Variants in LMX1B observed in about 807,000 individuals in gnomAD.
LMX1B encodes the protein LIM homeobox transcription factor 1 beta.
In LMX1B, 12 loss-of-function variants were observed where a neutral mutation model predicts 51.4. The ratio of observed to expected loss-of-function variants is 0.23; its 90% confidence interval spans 0.15 to 0.38. The LOEUF is 0.38. LMX1B is among the 10% of genes least tolerant of loss of function. The probability of loss-of-function intolerance (pLI) is 1.00; values close to 1 mark genes in which losing one functional copy is unlikely to be tolerated. For synonymous variants in LMX1B, 237 were observed against 235.4 expected, an observed-to-expected ratio of 1.01 and a Z score of -0.06; for missense variants, 445 against 571.1, an observed-to-expected ratio of 0.78 and a Z score of 2.25.
chr9:126,660,139 G>GGGT (rs1836211026), intron 2 of LMX1B, among the ~76,000 whole-genome samples: 2 of 144,326 alleles, frequency 1.4e-5, no homozygotes, highest in Non-Finnish European at 3.0e-5. Context: ...CCTGTGTGGG[G>GGGT]ATGTCTACAC....
At chr9:126,639,807 T>C (rs1267470367) in intron 2 of LMX1B, among the ~76,000 whole-genome samples, 4 of 152,224 alleles carry the variant, frequency 2.6e-5, no homozygotes. Context: ...GGTTGGCCTG[T>C]CGATTTTTAT....
intron 2 of LMX1B, among the ~76,000 whole-genome samples, chr9:126,687,626 G>T (rs75144184): frequency 0.015 from 2,300 of 152,276 alleles, 72 homozygotes; most frequent in African/African-American, 0.053. Flanking sequence ...GGTTGTGCCC[G>T]CCACACCTGC....
intron 2 of LMX1B, among the ~76,000 whole-genome samples, chr9:126,683,223 G>C (rs1354284577): frequency 6.6e-6 from 1 of 151,032 alleles, no homozygotes; most frequent in Non-Finnish European, 1.5e-5. Flanking sequence ...GAGGCCCGCA[G>C]AGCGCGCCCG....
At chr9:126,687,131 G>C (rs2029925710) in intron 2 of LMX1B, among the ~76,000 whole-genome samples, 1 of 152,134 alleles carries the variant, frequency 6.6e-6, no homozygotes, top group African/African-American at 2.4e-5. Flanking sequence ...GGTACCTGGA[G>C]TACCTTCTTC....
At chr9:126,614,809 C>T (rs367777645) in intron 1 of LMX1B, among the ~76,000 whole-genome samples, 1 of 152,162 alleles carries the variant, frequency 6.6e-6, no homozygotes, top group East Asian at 1.9e-4. Context: ...ACCCACCATC[C>T]TTTCCAGGCT....
chr9:126,645,027 T>C (rs1387563428), intron 2 of LMX1B, among the ~76,000 whole-genome samples: 1 of 152,170 alleles, frequency 6.6e-6, no homozygotes, highest in Non-Finnish European at 1.5e-5. Flanking sequence ...TCGGCTCCCC[T>C]GTCCCACCTG....
At chr9:126,670,459 C>T (rs554747584) in intron 2 of LMX1B, among the ~76,000 whole-genome samples, 109 of 152,244 alleles carry the variant, frequency 7.2e-4, no homozygotes, top group African/African-American at 2.4e-3. Context: ...GGTGCAGACG[C>T]GCTCAGATTT....
intron 2 of LMX1B, among the ~76,000 whole-genome samples, chr9:126,623,390 C>G (rs1835452620): frequency 6.6e-6 from 1 of 152,170 alleles, no homozygotes; most frequent in Non-Finnish European, 1.5e-5. Context: ...GGGAGGCAGC[C>G]TGCAGTAGTG....
intron 2 of LMX1B, among the ~76,000 whole-genome samples, chr9:126,635,031 G>A (rs920497825): frequency 2.0e-5 from 3 of 152,154 alleles, no homozygotes; most frequent in Non-Finnish European, 2.9e-5. Context: ...CCTAGCACCC[G>A]CTGCATGCCA....
At chr9:126,614,629 G>T (rs2118819680) in intron 1 of LMX1B, 41 bp downstream of exon 1, 1 of 1,490,362 alleles carries the variant, frequency 6.7e-7, no homozygotes, top group Non-Finnish European at 9.0e-7. Flanking sequence ...CTCGGGCGTG[G>T]GATGGGGCGT....
intron 2 of LMX1B, among the ~76,000 whole-genome samples, chr9:126,623,726 C>T (rs1208580302): frequency 6.6e-6 from 1 of 150,428 alleles, no homozygotes; most frequent in Non-Finnish European, 1.5e-5. Context: ...AGTCGCTACC[C>T]GAGGGCTGGG....
At chr9:126,624,073 C>T (rs959289210) in intron 2 of LMX1B, among the ~76,000 whole-genome samples, 2 of 152,374 alleles carry the variant, frequency 1.3e-5, no homozygotes, top group Admixed American at 6.5e-5. Flanking sequence ...CGCTCTAATA[C>T]GCGCACACGG....
At chr9:126,676,892 G>T (rs1209688132) in intron 2 of LMX1B, among the ~76,000 whole-genome samples, 1 of 152,202 alleles carries the variant, frequency 6.6e-6, no homozygotes, top group African/African-American at 2.4e-5. Context: ...GACTGCGGGC[G>T]ATTAGCACTG....
intron 2 of LMX1B, among the ~76,000 whole-genome samples, chr9:126,621,659 T>TC (rs910985612): frequency 6.9e-4 from 8 of 11,594 alleles, no homozygotes; most frequent in African/African-American, 7.2e-4. Context: ...TCTCTTCTTT[T>TC]TTTTTTTTTT....
chr9:126,686,149 G>A (rs945475895), intron 2 of LMX1B, among the ~76,000 whole-genome samples: 8 of 151,858 alleles, frequency 5.3e-5, no homozygotes, highest in South Asian at 2.1e-4. Context: ...GCGTGGTGGC[G>A]GGTGCCTATA....
chr9:126,669,464 G>A (rs1836410104), intron 2 of LMX1B, among the ~76,000 whole-genome samples: 1 of 152,208 alleles, frequency 6.6e-6, no homozygotes, highest in Admixed American at 6.5e-5. Context: ...GAGCGCATGT[G>A]TGTGTGTTCA....
intron 2 of LMX1B, among the ~76,000 whole-genome samples, chr9:126,676,250 C>T (rs950788741): frequency 6.6e-6 from 1 of 152,190 alleles, no homozygotes; most frequent in African/African-American, 2.4e-5. Flanking sequence ...CTCTCCGTCA[C>T]CTCCCATCCT....
intron 2 of LMX1B, among the ~76,000 whole-genome samples, chr9:126,667,282 G>A (rs548696007): frequency 2.0e-5 from 3 of 152,292 alleles, no homozygotes; most frequent in East Asian, 1.9e-4. Context: ...GAACACCTGC[G>A]CACATCAGTA....
intron 2 of LMX1B, among the ~76,000 whole-genome samples, chr9:126,631,183 A>G (rs1835629097): frequency 6.6e-6 from 1 of 152,280 alleles, no homozygotes; most frequent in African/African-American, 2.4e-5. Flanking sequence ...CCACGTGGCA[A>G]GAGTTCAGGC....
Sources: gnomAD v4.1 joint callset for allele counts (sites outside exome capture counted in the v4.1 genomes callset) on GRCh38, gnomAD v4.1.1 for gene constraint, MANE v1.5 for transcripts, NCBI Gene and HGNC (gene_info 2026-07-23, HGNC 2026-07-21) for gene names.